The following UBE2Q2 variants were observed in gnomAD, a reference collection of about 807,000 sequenced individuals.
UBE2Q2 encodes the protein ubiquitin-conjugating enzyme E2 Q2.
Under a neutral mutation model 59.9 loss-of-function variants are expected in UBE2Q2, and 54 were observed. The observed-to-expected ratio is 0.90, with a 90% CI of 0.72 to 1.13. UBE2Q2 has a LOEUF of 1.13. UBE2Q2 is among the 50% of genes most tolerant of loss of function. UBE2Q2 has a pLI of 0.00. For synonymous variants in UBE2Q2, 165 were observed against 155.2 expected (o/e 1.06, Z -0.47); for missense variants, 433 against 441.9 (o/e 0.98, Z 0.18).
At chr15:75,844,426 C>G in intron 1 of UBE2Q2, 1 of 1,551,650 alleles carries the variant, frequency 6.4e-7, no homozygotes, top group Non-Finnish European at 8.7e-7. Flanking sequence ...CCCCTCTCCC[C>G]CGGGCCTGGC....
intron 3 of UBE2Q2, among the ~76,000 whole-genome samples, chr15:75,862,340 G>A (rs980049438): frequency 3.3e-5 from 5 of 150,572 alleles, no homozygotes; most frequent in African/African-American, 1.2e-4. Context: ...TGTCTTTAAG[G>A]AGCTATTTTG....
In UBE2Q2 at chr15:75,843,987, G is replaced by T. The variant is rs371079070; in HGVS notation, c.180+141G>T. 45 of 1,404,362 alleles carry T rather than the reference G, an allele frequency of 3.2e-5. 1 individual carries two copies. The East Asian group carries it at 6.2e-4, about 19-fold the overall frequency. 87.0% of individuals were successfully genotyped at this position (1,404,362 alleles called of 1,614,324 possible). A position where few individuals can be genotyped will look rare whatever the true frequency, so the allele number is the denominator to read the frequency against. On this transcript the variant is annotated intron_variant, in intron 1 of 12. Coordinates refer to ENST00000267938, the MANE Select transcript of UBE2Q2 (RefSeq NM_173469.4). ...GGCCCGCCCCTTTCCCCCGCGACTT[G>T]CCCATCCCAGGCCGGGCTGGGACTG...
chr15:75,869,938 T>C (rs1395144282), intron 4 of UBE2Q2, among the ~76,000 whole-genome samples: 2 of 152,196 alleles, frequency 1.3e-5, no homozygotes, highest in Admixed American at 1.3e-4. Context: ...GTGAATTCCA[T>C]GGTCTTGATT....
chr15:75,857,218 G>C (rs972991308), intron 2 of UBE2Q2, among the ~76,000 whole-genome samples: 1 of 152,196 alleles, frequency 6.6e-6, no homozygotes, highest in Non-Finnish European at 1.5e-5. Context: ...CCCAGCAAGG[G>C]GGTTGATGGG....
chr15:75,874,029 C>T (rs1222703586), intron 5 of UBE2Q2, among the ~76,000 whole-genome samples: 3 of 152,206 alleles, frequency 2.0e-5, no homozygotes, highest in Admixed American at 6.5e-5. Context: ...GATTACGTTT[C>T]TTATCTATAG....
intron 3 of UBE2Q2, among the ~76,000 whole-genome samples, chr15:75,864,786 A>T (rs900055247): frequency 6.6e-6 from 1 of 151,706 alleles, no homozygotes; most frequent in Admixed American, 6.6e-5. Context: ...TTTTAAATCT[A>T]GTGTTTTCTT....
chr15:75,884,348 G>C (rs955472483), intron 9 of UBE2Q2, among the ~76,000 whole-genome samples: 5 of 152,192 alleles, frequency 3.3e-5, no homozygotes, highest in Non-Finnish European at 5.9e-5. Flanking sequence ...AAATATGAGT[G>C]ACTGCTTCAG....
chr15:75,871,354 A>G (rs1222128693), intron 4 of UBE2Q2, among the ~76,000 whole-genome samples: 2 of 152,154 alleles, frequency 1.3e-5, no homozygotes, highest in Admixed American at 1.3e-4. Context: ...TCTCAACTGC[A>G]AGAGGCATGC....
intron 4 of UBE2Q2, among the ~76,000 whole-genome samples, chr15:75,869,908 G>A (rs553218301): frequency 6.6e-6 from 1 of 152,168 alleles, no homozygotes; most frequent in East Asian, 1.9e-4. Flanking sequence ...TTGTTTCTGC[G>A]TTGACCAAAT....
intron 8 of UBE2Q2, among the ~76,000 whole-genome samples, chr15:75,880,826 G>A (rs1898369052): frequency 6.6e-6 from 1 of 152,104 alleles, no homozygotes; most frequent in Non-Finnish European, 1.5e-5. Flanking sequence ...AAAATCTGTG[G>A]ATATATGAGA....
chr15:75,892,278 C>A (rs180976745), intron 11 of UBE2Q2, among the ~76,000 whole-genome samples: 1 of 152,070 alleles, frequency 6.6e-6, no homozygotes, highest in Admixed American at 6.5e-5. Flanking sequence ...GTAGGATTCC[C>A]AAAGATTAAA....
At chr15:75,851,516 A>G (rs567487229) in intron 1 of UBE2Q2, among the ~76,000 whole-genome samples, 37 of 152,084 alleles carry the variant, frequency 2.4e-4, no homozygotes, top group Non-Finnish European at 3.8e-4. Flanking sequence ...ACGGTGGTGG[A>G]TACAAGTTTT....
intron 2 of UBE2Q2, among the ~76,000 whole-genome samples, chr15:75,856,960 T>C (rs1004716872): frequency 1.1e-4 from 16 of 151,902 alleles, no homozygotes; most frequent in Admixed American, 7.2e-4. Flanking sequence ...AAAAAAGATA[T>C]TTTAAGAGTT....
intron 4 of UBE2Q2, among the ~76,000 whole-genome samples, chr15:75,871,852 A>G (rs546619633): frequency 6.6e-6 from 1 of 152,362 alleles, no homozygotes; most frequent in East Asian, 1.9e-4. Flanking sequence ...TAAGCAGGGA[A>G]TAGTGTGCTG....
At chr15:75,872,553 T>C (rs950741125) in intron 4 of UBE2Q2, among the ~76,000 whole-genome samples, 1 of 148,714 alleles carries the variant, frequency 6.7e-6, no homozygotes, top group African/African-American at 2.5e-5. Flanking sequence ...TTTTTTTTTT[T>C]TGAGATAGAG....
At chr15:75,874,647 AAC>A (rs911951116) in intron 5 of UBE2Q2, among the ~76,000 whole-genome samples, 28 of 152,284 alleles carry the variant, frequency 1.8e-4, no homozygotes, top group African/African-American at 5.8e-4. Context: ...TCTGGTGACA[AAC>A]ACACAATTTA....
intron 6 of UBE2Q2, among the ~76,000 whole-genome samples, chr15:75,876,801 A>C (rs779965922): frequency 2.0e-5 from 3 of 152,204 alleles, no homozygotes; most frequent in Non-Finnish European, 4.4e-5. Flanking sequence ...ACTAGAGGTA[A>C]AATTCTCATA....
rs1471140832 is a variant in UBE2Q2 at position 75,843,832 on chromosome 15, C to T, written c.166C>T (p.His56Tyr). The change falls in exon 1 of 13, where the codon CAC becomes TAC. Residue 56 changes from histidine to tyrosine, a missense_variant. Physicochemically the swap from His to Tyr is moderately conservative, Grantham distance 83. Coordinates refer to ENST00000267938, the MANE Select transcript of UBE2Q2 (RefSeq NM_173469.4). ...CTCGCTGCCGCCGCCACTCACGCTC[C>T]ACTGCAACATCACGGTGAGGCGCCC... is the stretch of plus-strand genomic sequence containing the variant. The part of the protein sequence containing the change: ...PHSLPPPLTL[H>Y]CNITESYPSS... 2 of 1,592,546 alleles carry T rather than the reference C, an allele frequency of 1.3e-6. No homozygotes were observed. The highest frequency in any genetic ancestry group is 1.7e-6 in the Non-Finnish European group (2 of 1,171,578).
chr15:75,900,196 G>C lies in UBE2Q2; in HGVS notation c.*738G>C, dbSNP rs114379184. The C allele has an allele frequency of 2.8e-3, 429 of 152,280 alleles. 2 individuals carry two copies. Among genetic ancestry groups the C allele is most frequent in the African/African-American group, 9.7e-3 (404 of 41,548 alleles). The allele number at this position is 152,280 out of a possible 1,614,324, so 9.4% of individuals were successfully genotyped here. On this transcript the variant is annotated 3_prime_UTR_variant, in exon 13 of 13. Transcript: ENST00000267938. ...TTATGAACAAGAGCCACAGTACAGA[G>C]CTTCAAGTTATTTAAAATACTAAGT...
Sources: allele counts gnomAD v4.1 joint callset (sites outside exome capture counted in the v4.1 genomes callset), GRCh38; gene constraint gnomAD v4.1.1; transcripts MANE v1.5; gene names NCBI Gene and HGNC (gene_info 2026-07-23, HGNC 2026-07-21).